Variants in FIG4 observed in about 807,000 individuals in gnomAD.
FIG4 encodes FIG4 phosphoinositide 5-phosphatase, also known as polyphosphoinositide phosphatase.
FIG4 carries 112 observed loss-of-function variants against 118.6 expected under a neutral mutation model. The observed-to-expected ratio is 0.94, with a 90% CI of 0.81 to 1.11. The LOEUF is 1.11. FIG4 is among the 50% of genes least tolerant of loss of function. The pLI is 0.00. For synonymous variants in FIG4, 369 were observed against 381.2 expected (o/e 0.97, Z 0.37); for missense variants, 969 against 1,111.7 (o/e 0.87, Z 1.83).
intron 21 of FIG4, among the ~76,000 whole-genome samples, chr6:109,795,394 G>A (rs569357025): frequency 6.6e-6 from 1 of 151,614 alleles, no homozygotes; most frequent in Non-Finnish European, 1.5e-5. Flanking sequence ...ATATAAAGTT[G>A]GATAAAAGTA....
chr6:109,786,214 G>A, intron 17 of FIG4, 88 bp from the exon 18 acceptor site: 9 of 1,191,304 alleles, frequency 7.6e-6, no homozygotes, highest in Non-Finnish European at 1.1e-5. Flanking sequence ...GCTTATCACA[G>A]TGCTGTCTGT....
chr6:109,749,052 G>A (rs939577214), intron 10 of FIG4, among the ~76,000 whole-genome samples: 2 of 113,886 alleles, frequency 1.8e-5, no homozygotes, highest in Admixed American at 1.9e-4. Flanking sequence ...GCTCAAAGGA[G>A]CTCTGTGTGT....
chr6:109,698,554 C>T (rs1046040121), intron 1 of FIG4, among the ~76,000 whole-genome samples: 1 of 152,174 alleles, frequency 6.6e-6, no homozygotes, highest in Non-Finnish European at 1.5e-5. Context: ...TAGAAGTGAC[C>T]GGAACAGACA....
chr6:109,729,739 AC>A (rs1775930454), intron 4 of FIG4, among the ~76,000 whole-genome samples: 1 of 149,086 alleles, frequency 6.7e-6, no homozygotes, highest in Non-Finnish European at 1.5e-5. Flanking sequence ...GTGCCACTGT[AC>A]TCCAGCCTAG....
At chr6:109,780,165 A>T (rs1339809327) in intron 16 of FIG4, among the ~76,000 whole-genome samples, 1 of 152,220 alleles carries the variant, frequency 6.6e-6, no homozygotes, top group Non-Finnish European at 1.5e-5. Context: ...ATCAGATGAG[A>T]TCATATAAAT....
At chr6:109,747,049 G>A (rs1776521963) in intron 10 of FIG4, among the ~76,000 whole-genome samples, 2 of 152,094 alleles carry the variant, frequency 1.3e-5, no homozygotes, top group Non-Finnish European at 1.5e-5. Context: ...GATCATGAGT[G>A]TAGTTTGGAC....
intron 3 of FIG4, 33 bp from the exon 4 acceptor site, chr6:109,727,076 A>G (rs767851796): frequency 1.1e-5 from 17 of 1,547,900 alleles, no homozygotes; most frequent in Admixed American, 3.3e-5. Context: ...CTAAGTTTAT[A>G]AAGCATATTT....
chr6:109,807,731 A>AGG (rs1778605950), intron 22 of FIG4, among the ~76,000 whole-genome samples: 1 of 152,018 alleles, frequency 6.6e-6, no homozygotes, highest in African/African-American at 2.4e-5. Context: ...TAGGGTTTTT[A>AGG]TGGTTTTAGG....
rs780248478 is a variant in FIG4 at position 109,763,941 on chromosome 6, AATGAACTAGG to A, written c.1395_1404del (p.Asn465LysfsTer4). 6.2e-7 allele frequency: 1 copy of A among 1,608,148 alleles called. No individual in the cohort carries two copies. The highest frequency in any genetic ancestry group is 8.5e-7 in the Non-Finnish European group (1 of 1,174,550). On this transcript the variant is annotated frameshift_variant, in exon 13 of 23. Transcript: ENST00000230124. LOFTEE classifies it high-confidence loss of function. ...AGTGTTTATTTTTAAACACAGGTGG[AATGAACTAGG>A]AGGATGTGTGATTCCCACTGGTCGC...
At chr6:109,698,871 T>A (rs1159463917) in intron 1 of FIG4, among the ~76,000 whole-genome samples, 1 of 152,264 alleles carries the variant, frequency 6.6e-6, no homozygotes, top group Non-Finnish European at 1.5e-5. Flanking sequence ...TATATATTGC[T>A]AGATTCTATA....
At chr6:109,800,353 C>T (rs537436423) in intron 22 of FIG4, among the ~76,000 whole-genome samples, 2 of 152,242 alleles carry the variant, frequency 1.3e-5, no homozygotes, top group South Asian at 2.1e-4. Context: ...TCTGCTCTGT[C>T]GATCTTGAGT....
At chr6:109,799,145 T>C (rs140514946) in intron 22 of FIG4, among the ~76,000 whole-genome samples, 2 of 152,380 alleles carry the variant, frequency 1.3e-5, no homozygotes, top group African/African-American at 4.8e-5. Flanking sequence ...TTACTACTTG[T>C]GCATTCTTTT....
chr6:109,782,447 T>C (rs1777833614), intron 16 of FIG4, among the ~76,000 whole-genome samples: 1 of 152,236 alleles, frequency 6.6e-6, no homozygotes, highest in South Asian at 2.1e-4. Flanking sequence ...AAATACAATT[T>C]AGTAATATTT....
chr6:109,724,919 T>C (rs773241426), intron 3 of FIG4, among the ~76,000 whole-genome samples: 3 of 151,978 alleles, frequency 2.0e-5, no homozygotes, highest in Non-Finnish European at 4.4e-5. Flanking sequence ...CAGTGTTAAC[T>C]GTATGCATCT....
At chr6:109,724,516 A>T (rs749361590) in intron 3 of FIG4, among the ~76,000 whole-genome samples, 1 of 152,176 alleles carries the variant, frequency 6.6e-6, no homozygotes, top group South Asian at 2.1e-4. Context: ...TCTACAGCAC[A>T]TATCTTTTTA....
intron 1 of FIG4, among the ~76,000 whole-genome samples, chr6:109,707,342 CATATATACATACATATATACGTGTATAT>C (rs1775108306): frequency 8.4e-6 from 1 of 118,566 alleles, no homozygotes; most frequent in African/African-American, 3.5e-5. Flanking sequence ...TATATATATA[CATATATACATACATATATACGTGTATAT>C]ATATATACAT....
chr6:109,796,259 G>T (rs1778284270), intron 21 of FIG4, among the ~76,000 whole-genome samples: 1 of 152,204 alleles, frequency 6.6e-6, no homozygotes, highest in Non-Finnish European at 1.5e-5. Context: ...TTGTGGTCCA[G>T]AGGAAACCTA....
intron 22 of FIG4, among the ~76,000 whole-genome samples, chr6:109,818,064 G>C (rs1778909537): frequency 6.6e-6 from 1 of 152,242 alleles, no homozygotes; most frequent in South Asian, 2.1e-4. Context: ...AGCTGTCACA[G>C]CAGCTGCTGG....
intron 1 of FIG4, among the ~76,000 whole-genome samples, chr6:109,702,158 A>G (rs951834873): frequency 1.1e-4 from 16 of 152,236 alleles, no homozygotes; most frequent in Non-Finnish European, 2.1e-4. Flanking sequence ...TGAAGCTGTC[A>G]TACAACCTAA....
Sources: allele counts gnomAD v4.1 joint callset (sites outside exome capture counted in the v4.1 genomes callset), GRCh38; gene constraint gnomAD v4.1.1; transcripts MANE v1.5; gene names NCBI Gene and HGNC (gene_info 2026-07-23, HGNC 2026-07-21).